Variants in GALNT14 observed in about 807,000 individuals in gnomAD.
The protein encoded by GALNT14 is UDP-GalNAc:polypeptide N-acetylgalactosaminyltransferase 14.
A neutral mutation model predicts 77.5 loss-of-function variants in GALNT14; 60 were observed. The ratio of observed to expected loss-of-function variants is 0.77; its 90% CI spans 0.63 to 0.96. The LOEUF is 0.96. Among genes scored for constraint, GALNT14 ranks in the 40% least tolerant of loss-of-function variants. The pLI is 0.00. For missense variants in GALNT14, 710 were observed against 731.0 expected (o/e 0.97, Z 0.33); for synonymous variants, 280 against 281.7 (o/e 0.99, Z 0.06).
At chr2:31,028,984 T>C (rs1288234864) in intron 1 of GALNT14, among the ~76,000 whole-genome samples, 1 of 152,118 alleles carries the variant, frequency 6.6e-6, no homozygotes, top group Non-Finnish European at 1.5e-5. Flanking sequence ...GATGAGAACA[T>C]TTATTAGCAG....
the GALNT14 span, among the ~76,000 whole-genome samples, chr2:30,904,382 G>A: frequency 6.6e-6 from 1 of 152,236 alleles, no homozygotes; most frequent in Non-Finnish European, 1.5e-5. Context: ...GCAGGGCGAG[G>A]CATTGCCTCA....
At chr2:30,914,233 C>T (rs565659218) in intron 13 of GALNT14, among the ~76,000 whole-genome samples, 4 of 152,334 alleles carry the variant, frequency 2.6e-5, no homozygotes, top group African/African-American at 7.2e-5. Context: ...GAGAGGCTAT[C>T]CAAAGTCATA....
intron 1 of GALNT14, among the ~76,000 whole-genome samples, chr2:31,110,720 A>G (rs545921709): frequency 1.3e-5 from 2 of 152,322 alleles, no homozygotes; most frequent in South Asian, 4.2e-4. Flanking sequence ...CTAAGTGCTC[A>G]GAAAACCATC....
chr2:31,069,079 C>T (rs1365529570), intron 1 of GALNT14, among the ~76,000 whole-genome samples: 1 of 152,144 alleles, frequency 6.6e-6, no homozygotes, highest in Admixed American at 6.5e-5. Flanking sequence ...AGATTATGTG[C>T]TTGTTGTATA....
intron 1 of GALNT14, among the ~76,000 whole-genome samples, chr2:31,072,196 G>C (rs1675423174): frequency 6.6e-6 from 1 of 151,708 alleles, no homozygotes; most frequent in African/African-American, 2.4e-5. Flanking sequence ...GAAGGAGCTT[G>C]GTTGTCTTCC....
intron 1 of GALNT14, among the ~76,000 whole-genome samples, chr2:31,066,935 C>G (rs575943868): frequency 1.3e-5 from 2 of 152,280 alleles, no homozygotes; most frequent in South Asian, 2.1e-4. Context: ...GCTGCACACC[C>G]ACCTACCTCA....
chr2:30,887,938 C>T, the GALNT14 span, among the ~76,000 whole-genome samples: 391 of 152,312 alleles, frequency 2.6e-3, 1 homozygote, highest in African/African-American at 8.9e-3. Flanking sequence ...CCATGCCTAC[C>T]TCAGCTGGGG....
At chr2:31,090,576 G>A (rs913678118) in intron 1 of GALNT14, among the ~76,000 whole-genome samples, 8 of 139,854 alleles carry the variant, frequency 5.7e-5, no homozygotes, top group African/African-American at 2.1e-4. Context: ...TATAGCCTCC[G>A]CCTTCTGGGT....
At chr2:30,979,897 T>C (rs1259263178) in intron 2 of GALNT14, among the ~76,000 whole-genome samples, 1 of 152,180 alleles carries the variant, frequency 6.6e-6, no homozygotes, top group Non-Finnish European at 1.5e-5. Context: ...CAAACACATT[T>C]TGTAGTTGCT....
intron 13 of GALNT14, among the ~76,000 whole-genome samples, chr2:30,923,404 T>C (rs1362942399): frequency 6.6e-6 from 1 of 152,158 alleles, no homozygotes; most frequent in African/African-American, 2.4e-5. Context: ...GCTATGAATT[T>C]GTCAGTGACC....
At chr2:31,134,600 G>T (rs1679143784) in intron 1 of GALNT14, among the ~76,000 whole-genome samples, 1 of 152,222 alleles carries the variant, frequency 6.6e-6, no homozygotes, top group Admixed American at 6.5e-5. Context: ...TCCATCCAGT[G>T]AGGGGAGCCT....
At chr2:30,893,273 G>C in the GALNT14 span, among the ~76,000 whole-genome samples, 3 of 151,702 alleles carry the variant, frequency 2.0e-5, no homozygotes, top group South Asian at 6.2e-4. Context: ...AGGCTCTTAA[G>C]GAAAAGAAAA....
At chr2:30,969,693 TAC>T (rs1668227076) in intron 2 of GALNT14, among the ~76,000 whole-genome samples, 1 of 152,084 alleles carries the variant, frequency 6.6e-6, no homozygotes, top group African/African-American at 2.4e-5. Context: ...GAACTAGACC[TAC>T]AGACCACGTG....
intron 12 of GALNT14, 159 bp from the exon 13 acceptor site, chr2:30,924,422 G>T: frequency 1.3e-6 from 1 of 750,214 alleles, no homozygotes; most frequent in Non-Finnish European, 2.2e-6. Flanking sequence ...TAAGAATGAG[G>T]TGGCAAGGAA....
In GALNT14 at chr2:31,119,904, C is replaced by T. The variant is rs367827808; in HGVS notation, c.129+18054G>A. ...GGGCGCGGTGGCTCACGCCTGTAATCCCAGCACTTTGGGAGGCCGAGGCGG... is the reference window on the plus strand; with the variant it reads ...GGGCGCGGTGGCTCACGCCTGTAATTCCAGCACTTTGGGAGGCCGAGGCGG... On this transcript the variant is annotated intron_variant, in intron 1 of 14. Transcript: ENST00000349752. Among the ~76,000 whole-genome samples, 69 of 134,406 alleles carry T rather than the reference C, an allele frequency of 5.1e-4. 8 individuals are homozygous for T. In the East Asian group the frequency reaches 8.9e-3, roughly 17 times the overall value. 88.2% of individuals were successfully genotyped at this position (134,406 alleles called of 152,430 possible). A position where few individuals can be genotyped will look rare whatever the true frequency, so the allele number is the denominator to read the frequency against.
chr2:30,904,952 C>T, the GALNT14 span, among the ~76,000 whole-genome samples: 1 of 152,004 alleles, frequency 6.6e-6, no homozygotes, highest in African/African-American at 2.4e-5. Context: ...CAGGGGCACA[C>T]TGACACCTCA....
intron 1 of GALNT14, among the ~76,000 whole-genome samples, chr2:31,088,633 C>T (rs1676577299): frequency 6.6e-6 from 1 of 152,158 alleles, no homozygotes; most frequent in Non-Finnish European, 1.5e-5. Context: ...AGTTGTATGC[C>T]ACTAAGATGC....
chr2:31,110,678 C>T (rs35285211), intron 1 of GALNT14, among the ~76,000 whole-genome samples: 87,125 of 151,998 alleles, frequency 0.57, 25,819 homozygotes, highest in African/African-American at 0.71. Context: ...CAAGCCATGC[C>T]TGCCCTGTAG....
rs75273541 is a variant in GALNT14 at position 31,057,228 on chromosome 2, C to T, written c.130-64221G>A. 4.0e-3 allele frequency among the ~76,000 whole-genome samples: 606 copies of T among 150,604 alleles called. 7 individuals are homozygous for T. Among genetic ancestry groups the T allele is most frequent in the African/African-American group, 0.014 (581 of 41,016 alleles). ...GGAATCATTTGTATCCCAAACCTCA[C>T]CATCACACAATATACTCCATGCAGC... On this transcript the variant is annotated intron_variant, in intron 1 of 14. Transcript: ENST00000349752.
Sources: gnomAD v4.1 joint callset for allele counts (sites outside exome capture counted in the v4.1 genomes callset) on GRCh38, gnomAD v4.1.1 for gene constraint, MANE v1.5 for transcripts, NCBI Gene and HGNC (gene_info 2026-07-23, HGNC 2026-07-21) for gene names.